Variants in USP34 observed in about 807,000 individuals in gnomAD.
USP34 encodes ubiquitin specific peptidase 34, also known as ubiquitin carboxyl-terminal hydrolase 34.
In USP34, 70 loss-of-function variants were observed where a neutral mutation model predicts 460.3. The ratio of observed to expected loss-of-function variants is 0.15; its 90% CI spans 0.13 to 0.19. The LOEUF (loss-of-function observed/expected upper bound fraction) is 0.19, where lower values mean the gene tolerates loss of function less well. Ranked by LOEUF, USP34 falls within the 10% of genes least tolerant of loss-of-function variation. The pLI is 1.00. For synonymous variants in USP34, 1,647 were observed against 1,405.3 expected, an observed-to-expected ratio of 1.17 and a Z score of -3.85; for missense variants, 3,985 against 4,236.2, an observed-to-expected ratio of 0.94 and a Z score of 1.65.
At chr2:61,432,513 G>A (rs756446067) in intron 1 of USP34, among the ~76,000 whole-genome samples, 3 of 152,080 alleles carry the variant, frequency 2.0e-5, no homozygotes, top group Non-Finnish European at 4.4e-5. Flanking sequence ...ACACAGTGGT[G>A]TGTGTCTCTA....
At chr2:61,464,000 TGCAAAGCATGTAAAGTACTTAA>T (rs1695684452) in intron 1 of USP34, among the ~76,000 whole-genome samples, 1 of 152,170 alleles carries the variant, frequency 6.6e-6, no homozygotes, top group Non-Finnish European at 1.5e-5. Context: ...ATCAGCAGCA[TGCAAAGCATGTAAAGTACTTAA>T]GTACCCAACA....
chr2:61,219,666 G>C (rs998846700), intron 67 of USP34, among the ~76,000 whole-genome samples: 5 of 139,730 alleles, frequency 3.6e-5, no homozygotes, highest in Admixed American at 2.9e-4. Context: ...GTGAGACTCT[G>C]TCTCAAAAAA....
At position 61,348,737 on chromosome 2, in the gene USP34, G is replaced by A. The variant is rs1377387825; in HGVS notation, c.1674+19C>T. On this transcript the variant is annotated intron_variant, in intron 14 of 79. Coordinates refer to ENST00000398571, the MANE Select transcript of USP34 (RefSeq NM_014709.4). ...AAAGCCAAAAATGCCTATAAAAGAAGAAAAACCTATTTTCATACCTCTGTG... is the reference window on the plus strand; with the variant it reads ...AAAGCCAAAAATGCCTATAAAAGAAAAAAAACCTATTTTCATACCTCTGTG... 1.2e-6 allele frequency: 2 copies of A among 1,604,198 alleles called. No individual in the cohort carries two copies. Among genetic ancestry groups the A allele is most frequent in the East Asian group, 2.2e-5 (1 of 44,682 alleles).
intron 2 of USP34, chr2:61,416,895 G>C: frequency 1.1e-6 from 1 of 945,250 alleles, no homozygotes; most frequent in South Asian, 1.4e-5. Context: ...ATGAGTGCAG[G>C]GCCAGCCACT....
At chr2:61,327,403 G>A (rs919086188) in intron 20 of USP34, among the ~76,000 whole-genome samples, 1 of 152,130 alleles carries the variant, frequency 6.6e-6, no homozygotes, top group African/African-American at 2.4e-5. Flanking sequence ...TAAAATTCAA[G>A]AACAGCTAGC....
At chr2:61,255,401 T>C (rs1040569969) in intron 48 of USP34, among the ~76,000 whole-genome samples, 1 of 152,202 alleles carries the variant, frequency 6.6e-6, no homozygotes, top group African/African-American at 2.4e-5. Flanking sequence ...AGGACCTTTC[T>C]AGCTGGATGC....
intron 44 of USP34, among the ~76,000 whole-genome samples, chr2:61,258,569 T>C (rs1558495479): frequency 6.6e-6 from 1 of 151,736 alleles, no homozygotes; most frequent in East Asian, 1.9e-4. Flanking sequence ...ATGGCATAAA[T>C]AAACCCACAA....
At chr2:61,321,836 G>A (rs1320501648) in intron 21 of USP34, among the ~76,000 whole-genome samples, 6 of 152,180 alleles carry the variant, frequency 3.9e-5, no homozygotes, top group African/African-American at 1.4e-4. Context: ...TGAGGAATCA[G>A]TGGTTAAGGT....
chr2:61,241,680 AT>A (rs1688266920), intron 52 of USP34, 25 bp from the exon 53 acceptor site: 1 of 1,561,130 alleles, frequency 6.4e-7, no homozygotes, highest in Non-Finnish European at 8.7e-7. Flanking sequence ...AAAAAAATTT[AT>A]TTTCATTTTG....
intron 41 of USP34, among the ~76,000 whole-genome samples, chr2:61,272,997 A>T (rs981911139): frequency 6.6e-6 from 1 of 152,216 alleles, no homozygotes; most frequent in Non-Finnish European, 1.5e-5. Flanking sequence ...AGATAACTGA[A>T]AACAGTCTAC....
intron 33 of USP34, among the ~76,000 whole-genome samples, chr2:61,291,434 T>A (rs1382081229): frequency 1.3e-5 from 2 of 152,166 alleles, no homozygotes; most frequent in African/African-American, 4.8e-5. Flanking sequence ...CTGCACTCTA[T>A]ACCCAAGGCA....
chr2:61,385,249 T>C (rs1693100976), intron 5 of USP34, among the ~76,000 whole-genome samples: 2 of 152,128 alleles, frequency 1.3e-5, no homozygotes, highest in Non-Finnish European at 2.9e-5. Flanking sequence ...AAGGAGACAT[T>C]TGCCATATTT....
At chr2:61,275,831 T>G (rs1357583825) in intron 41 of USP34, among the ~76,000 whole-genome samples, 1 of 152,158 alleles carries the variant, frequency 6.6e-6, no homozygotes, top group African/African-American at 2.4e-5. Context: ...TCTGTCAAAA[T>G]TGGGTCTAAT....
At chr2:61,421,032 G>C (rs555391941) in intron 1 of USP34, among the ~76,000 whole-genome samples, 199 bp from the exon 2 acceptor site, 1 of 152,022 alleles carries the variant, frequency 6.6e-6, no homozygotes, top group East Asian at 1.9e-4. Context: ...AGGGGTGGGG[G>C]GGGCAGTGAG....
chr2:61,213,687 C>T (rs1279644592), intron 68 of USP34, among the ~76,000 whole-genome samples: 1 of 152,228 alleles, frequency 6.6e-6, no homozygotes, highest in African/African-American at 2.4e-5. Flanking sequence ...CAGTTTACCA[C>T]AGCATGTAGA....
At chr2:61,246,627 A>C in intron 49 of USP34, 150 bp from the exon 50 acceptor site, 1 of 565,482 alleles carries the variant, frequency 1.8e-6, no homozygotes. Flanking sequence ...AGTTACTTAG[A>C]ATCACTTTTA....
intron 1 of USP34, among the ~76,000 whole-genome samples, chr2:61,431,395 A>G (rs1038959180): frequency 2.6e-5 from 4 of 152,050 alleles, no homozygotes; most frequent in African/African-American, 7.2e-5. Flanking sequence ...ACTAATTATT[A>G]ATTAAACTTT....
chr2:61,217,525 A>G (rs1371056086), intron 67 of USP34, among the ~76,000 whole-genome samples: 2 of 152,216 alleles, frequency 1.3e-5, no homozygotes, highest in Non-Finnish European at 2.9e-5. Context: ...CATAGTCTTC[A>G]CTACTGTAAT....
At chr2:61,441,977 T>A (rs1178612650) in intron 1 of USP34, among the ~76,000 whole-genome samples, 1 of 152,112 alleles carries the variant, frequency 6.6e-6, no homozygotes, top group Non-Finnish European at 1.5e-5. Context: ...TACACGTATC[T>A]ACAGTCAACT....
Sources: allele counts gnomAD v4.1 joint callset (sites outside exome capture counted in the v4.1 genomes callset), GRCh38; gene constraint gnomAD v4.1.1; transcripts MANE v1.5; gene names NCBI Gene and HGNC (gene_info 2026-07-23, HGNC 2026-07-21).